DCAF10: variants seen among roughly 807,000 people sequenced by gnomAD.
The protein encoded by DCAF10 is DDB1 and CUL4 associated factor 10.
DCAF10 carries 19 observed loss-of-function variants against 51.9 expected under a neutral mutation model. The ratio of observed to expected loss-of-function variants is 0.37; its 90% CI spans 0.26 to 0.54. DCAF10 has a LOEUF of 0.54. Among genes scored for constraint, DCAF10 ranks in the 20% least tolerant of loss-of-function variants. The pLI, the probability that DCAF10 is intolerant of heterozygous loss-of-function variation, is 0.87. For synonymous variants in DCAF10, 291 were observed against 297.1 expected, an observed-to-expected ratio of 0.98 and a Z score of 0.21; for missense variants, 510 against 730.6, an observed-to-expected ratio of 0.70 and a Z score of 3.48.
At chr9:37,802,206 C>T (rs1828974310) in intron 1 of DCAF10, among the ~76,000 whole-genome samples, 1 of 152,176 alleles carries the variant, frequency 6.6e-6, no homozygotes, top group Admixed American at 6.5e-5. Flanking sequence ...ATTTGTTGAG[C>T]ACTTGCTATG....
In DCAF10 at chr9:37,854,774, C is replaced by T; in HGVS notation, c.852-6C>T. The stretch of plus-strand genomic sequence containing the variant: ...CTAGATTTTGTTGGCTTGGTTTCTC[C>T]TGTAGGTATACAGAAGATGGGTGTC... On this transcript the variant is annotated splice_region_variant and splice_polypyrimidine_tract_variant and intron_variant, in intron 3 of 6. Coordinates refer to ENST00000377724, the MANE Select transcript of DCAF10 (RefSeq NM_024345.5). 1 of 1,612,594 alleles carries T rather than the reference C, an allele frequency of 6.2e-7. No individual in the cohort carries two copies. The highest frequency in any genetic ancestry group is 2.2e-5 in the East Asian group (1 of 44,822).
chr9:37,817,214 T>C (rs1198643595), intron 1 of DCAF10, among the ~76,000 whole-genome samples: 1 of 152,196 alleles, frequency 6.6e-6, no homozygotes, highest in African/African-American at 2.4e-5. Flanking sequence ...AAGATACATA[T>C]CATACCATGT....
At chr9:37,844,496 C>T (rs1383833230) in intron 3 of DCAF10, among the ~76,000 whole-genome samples, 1 of 152,124 alleles carries the variant, frequency 6.6e-6, no homozygotes, top group African/African-American at 2.4e-5. Flanking sequence ...ACTAAAAATA[C>T]AAAAATTAGC....
Position 37,816,659 on chromosome 9 carries a change from G to GGGGGGGGTGTGTGTGTGTGTGT in DCAF10, c.540-2628_540-2627insGGGGGGTGTGTGTGTGTGTGTG, listed in dbSNP as rs372664140. Among the ~76,000 whole-genome samples, 214 of 144,930 alleles carry GGGGGGGGTGTGTGTGTGTGTGT rather than the reference G, an allele frequency of 1.5e-3. 1 individual carries two copies. Among genetic ancestry groups the GGGGGGGGTGTGTGTGTGTGTGT allele is most frequent in the East Asian group, 3.3e-3 (16 of 4,912 alleles). On this transcript the variant is annotated intron_variant, in intron 1 of 6. Transcript: ENST00000377724. ...AATCTCAATTAACATCTGCACCTGG[G>GGGGGGGGTGTGTGTGTGTGTGT]GTGTGTGTGTGTGTGTGTGTGTGTG...
Position 37,825,565 on chromosome 9 carries a change from C to T in DCAF10, c.653+6164C>T, listed in dbSNP as rs115612149. Among the ~76,000 whole-genome samples, 966 of 152,226 alleles carry T rather than the reference C, an allele frequency of 6.3e-3. 11 individuals are homozygous for T. Among genetic ancestry groups the T allele is most frequent in the African/African-American group, 0.022 (924 of 41,528 alleles). On this transcript the variant is annotated intron_variant, in intron 2 of 6. Transcript: ENST00000377724. ...TAGAGGGGAGCAACAGACGCTGGGG[C>T]CTTCCAGAGAGTGGAGGGTGGGAGG...
intron 1 of DCAF10, among the ~76,000 whole-genome samples, chr9:37,808,664 A>C (rs1205102300): frequency 1.9e-5 from 2 of 103,360 alleles, no homozygotes; most frequent in Non-Finnish European, 3.5e-5. Flanking sequence ...AAATATAAAT[A>C]TATTATATAA....
rs60884550 is a variant in DCAF10, at chr9:37,819,525, T to C, written c.653+124T>C. ...ACTGCTAGATGATCCACATTGTGAA[T>C]TGTGAATCTAATCCCTTATAAAACT... On this transcript the variant is annotated intron_variant, in intron 2 of 6. Coordinates refer to ENST00000377724, the MANE Select transcript of DCAF10 (RefSeq NM_024345.5). The C allele has an allele frequency of 4.3e-3, 2,597 of 605,674 alleles. 55 individuals are homozygous for C. The African/African-American group carries it at 0.044, about 10-fold the overall frequency. The allele number at this position is 605,674 out of a possible 1,614,324, so 37.5% of individuals were successfully genotyped here. A position where few individuals can be genotyped will look rare whatever the true frequency, so the allele number is the denominator to read the frequency against.
Position 37,839,874 on chromosome 9 carries a change from AG to A in DCAF10, c.654-2214del, listed in dbSNP as rs1830280773. 4.6e-5 allele frequency among the ~76,000 whole-genome samples: 7 copies of A among 152,226 alleles called. No homozygotes were observed. The South Asian group carries it at 1.5e-3, about 32-fold the overall frequency. On this transcript the variant is annotated intron_variant, in intron 2 of 6. Transcript: ENST00000377724. ...GAACTTCTCTTTCATTTATTTTGTA[AG>A]TATTTGTTGAGTGCATATGTGTCTG...
intron 3 of DCAF10, among the ~76,000 whole-genome samples, chr9:37,847,187 AAGTT>A (rs1830498568): frequency 6.8e-6 from 1 of 147,486 alleles, no homozygotes; most frequent in Admixed American, 7.0e-5. Context: ...CAGAAGGTGG[AAGTT>A]GCAGTGAGCC....
intron 4 of DCAF10, 73 bp downstream of exon 4, chr9:37,855,055 T>A (rs1253600749): frequency 7.2e-7 from 1 of 1,392,316 alleles, no homozygotes; most frequent in Non-Finnish European, 9.7e-7. Flanking sequence ...AGGTTTCTTT[T>A]CTGAAAATGA....
At chr9:37,844,856 G>A (rs7047815) in intron 3 of DCAF10, among the ~76,000 whole-genome samples, 6,599 of 152,016 alleles carry the variant, frequency 0.043, 488 homozygotes, top group African/African-American at 0.15. Flanking sequence ...AAATGGATAA[G>A]GCTGTGGAAG....
chr9:37,860,205 A>T lies in DCAF10; in HGVS notation c.1311+12A>T. The T allele has an allele frequency of 6.2e-7, 1 of 1,613,962 alleles. No individual in the cohort carries two copies. Among genetic ancestry groups the T allele is most frequent in the Non-Finnish European group, 8.5e-7 (1 of 1,179,886 alleles). On this transcript the variant is annotated intron_variant, in intron 6 of 6. Transcript: ENST00000377724. ...GTGATGATGAGGAGGTACAGGCAGC[A>T]GCACTCCACCTTCAACAGGGCTCAT...
At chr9:37,842,957 T>C (rs1830376960) in intron 3 of DCAF10, among the ~76,000 whole-genome samples, 1 of 152,230 alleles carries the variant, frequency 6.6e-6, no homozygotes, top group African/African-American at 2.4e-5. Flanking sequence ...TATGCCTGCT[T>C]TGCTAGCTAT....
At chr9:37,816,928 GAA>G (rs1829558604) in intron 1 of DCAF10, among the ~76,000 whole-genome samples, 18 of 152,162 alleles carry the variant, frequency 1.2e-4, no homozygotes. Context: ...AAATTTACTT[GAA>G]GAGAAAGCAT....
intron 1 of DCAF10, among the ~76,000 whole-genome samples, chr9:37,817,738 C>CA (rs112061947): frequency 0.046 from 6,606 of 143,816 alleles, 468 homozygotes; most frequent in African/African-American, 0.16. Flanking sequence ...CCATCTCCAC[C>CA]AAAAAAAAAA....
At chr9:37,824,524 T>A (rs1247750593) in intron 2 of DCAF10, among the ~76,000 whole-genome samples, 13 of 149,672 alleles carry the variant, frequency 8.7e-5, no homozygotes. Context: ...GAAAACTTAA[T>A]CAGTTCAGTA....
At chr9:37,832,119 G>A (rs1830025455) in intron 2 of DCAF10, 1 of 152,036 alleles carries the variant, frequency 6.6e-6, no homozygotes, top group African/African-American at 2.4e-5. Flanking sequence ...AGGAGGCTGA[G>A]GCAGGAGAAT....
In DCAF10 at chr9:37,861,712, A is replaced by C; in HGVS notation, c.*204A>C. Reference sequence around the variant, plus strand: ...TCCAAGTTAGACTCTATGCAGCATCATCTTTTGCAGCATTCCTCTGCTCCT... The same window carrying C: ...TCCAAGTTAGACTCTATGCAGCATCCTCTTTTGCAGCATTCCTCTGCTCCT... On this transcript the variant is annotated 3_prime_UTR_variant, in exon 7 of 7. Transcript: ENST00000377724. The surrounding 1 kb of genome is among the most constrained non-coding windows in gnomAD (Gnocchi z 4.9). 1 of 615,770 alleles carries C rather than the reference A, an allele frequency of 1.6e-6. No homozygotes were observed. Among genetic ancestry groups the C allele is most frequent in the South Asian group, 2.6e-5 (1 of 37,770 alleles). The allele number at this position is 615,770 out of a possible 1,614,324, so 38.1% of individuals were successfully genotyped here.
intron 1 of DCAF10, among the ~76,000 whole-genome samples, chr9:37,816,064 A>G (rs2381728): frequency 0.19 from 29,126 of 152,082 alleles, 3,194 homozygotes; most frequent in African/African-American, 0.29. Context: ...AAAATTCTGG[A>G]ATAACAAGAA....
Sources: allele counts gnomAD v4.1 joint callset (sites outside exome capture counted in the v4.1 genomes callset), GRCh38; gene constraint gnomAD v4.1.1; non-coding constraint Gnocchi (gnomAD v3.1); transcripts MANE v1.5; gene names NCBI Gene and HGNC (gene_info 2026-07-23, HGNC 2026-07-21).